MEGF6: variants seen among roughly 807,000 people sequenced by gnomAD.
The protein encoded by MEGF6 is multiple epidermal growth factor-like domains protein 6.
In MEGF6, 184 loss-of-function variants were observed where a neutral mutation model predicts 207.1. That is an observed-to-expected ratio of 0.89 (90% CI 0.79 to 1.00). MEGF6 has a LOEUF of 1.00. MEGF6 is among the 50% of genes least tolerant of loss of function. MEGF6 has a pLI of 0.00. For missense variants in MEGF6, 2,282 were observed against 2,202.9 expected, an observed-to-expected ratio of 1.04 and a Z score of -0.72; for synonymous variants, 1,038 against 910.0, an observed-to-expected ratio of 1.14 and a Z score of -2.53.
In MEGF6 at chr1:3,497,266, G is replaced by A. The variant is rs768506381; in HGVS notation, c.3448C>T (p.Pro1150Ser). ...CAGCCGGAGCCAGTGAAGCCAGGGG[G>A]ACAGCGGCAGGCCCCAGTGACGTGG... is the stretch of plus-strand genomic sequence containing the variant. Reference protein sequence around the residue: ...CHHVTGACRCPPGFTGSGCEQ... With the variant: ...CHHVTGACRCSPGFTGSGCEQ... The change falls in exon 27 of 37, where the codon CCC (proline) becomes TCC (serine). Residue 1150 changes from proline (P) to serine (S), a missense_variant. Pro to Ser is a moderately conservative substitution (Grantham distance 74). Transcript: ENST00000356575. 7.1e-6 allele frequency: 11 copies of A among 1,546,432 alleles called. No individual in the cohort carries two copies. The highest frequency in any genetic ancestry group is 4.1e-5 in the Admixed American group (2 of 48,406).
At position 3,490,610 on chromosome 1, in the gene MEGF6, G is replaced by A. The variant is rs779788602; in HGVS notation, c.4565-21C>T. Reference sequence around the variant, plus strand: ...GCCCGCTGGGGAAAAGGAGAAAAGAGGGCCAGTCCAGGGTGGGGCGGGTGC... The same window carrying A: ...GCCCGCTGGGGAAAAGGAGAAAAGAAGGCCAGTCCAGGGTGGGGCGGGTGC... On this transcript the variant is annotated intron_variant, in intron 36 of 36. Transcript: ENST00000356575. 1.2e-5 allele frequency: 19 copies of A among 1,611,688 alleles called. No individual in the cohort carries two copies. In the African/African-American group the frequency reaches 1.9e-4, roughly 16 times the overall value.
intron 1 of MEGF6, among the ~76,000 whole-genome samples, chr1:3,606,392 C>T (rs1409707635): frequency 6.6e-6 from 1 of 152,188 alleles, no homozygotes; most frequent in Non-Finnish European, 1.5e-5. Flanking sequence ...CCAGGCCTAG[C>T]GGTTTGAAGC....
chr1:3,496,682 C>T lies in MEGF6; in HGVS notation c.3715G>A (p.Gly1239Arg). ...AATGACRCPT[G>R]FLGTDCNLTC... ...AGGTTGCAGTCCGTCCCGAGGAACC[C>T]AGTGGGGCAGCGGCAGGCCCCCGTG... is the stretch of plus-strand genomic sequence containing the variant. Residue 1239 changes from glycine (G) to arginine (R), a missense_variant, in exon 29 of 37, where the codon GGG (glycine) becomes AGG (arginine). Physicochemically the swap from Gly to Arg is moderately radical, Grantham distance 125 (BLOSUM62 -2). Transcript: ENST00000356575. 8 of 1,568,856 alleles carry T rather than the reference C, an allele frequency of 5.1e-6. No homozygotes were observed. The highest frequency in any genetic ancestry group is 6.9e-6 in the Non-Finnish European group (8 of 1,157,290).
rs978166658 is a variant in MEGF6 at position 3,583,010 on chromosome 1, G to C, written c.377-3081C>G. On this transcript the variant is annotated intron_variant, in intron 3 of 36. Coordinates refer to ENST00000356575, the MANE Select transcript of MEGF6 (RefSeq NM_001409.4). ...GCACCAGCAAGCTTGTTGATGAAGG[G>C]GTGAATGAATGAACAAACCACCGCA... 2.0e-5 allele frequency among the ~76,000 whole-genome samples: 3 copies of C among 152,176 alleles called. No homozygotes were observed. The South Asian group carries it at 6.2e-4, about 31-fold the overall frequency.
In MEGF6 at chr1:3,560,803, C is replaced by G. The variant is rs1444806909; in HGVS notation, c.481+19022G>C. 1 of 468,994 alleles carries G rather than the reference C, an allele frequency of 2.1e-6. No individual in the cohort carries two copies. The highest frequency in any genetic ancestry group is 4.4e-6 in the Non-Finnish European group (1 of 226,258). The allele number at this position is 468,994 out of a possible 1,614,324, so 29.1% of individuals were successfully genotyped here. A position where few individuals can be genotyped will look rare whatever the true frequency, so the allele number is the denominator to read the frequency against. ...CCCGGCAGTCCCCTCTGGCAGCCAC[C>G]GGAGCAGCCAGGAACAGCCTCAGGC... On this transcript the variant is annotated intron_variant, in intron 4 of 36. Coordinates refer to ENST00000356575, the MANE Select transcript of MEGF6 (RefSeq NM_001409.4). The surrounding 1 kb of genome is among the most constrained non-coding windows in gnomAD (Gnocchi z 4.0).
At chr1:3,588,636 G>A (rs946133742) in intron 3 of MEGF6, among the ~76,000 whole-genome samples, 3 of 151,982 alleles carry the variant, frequency 2.0e-5, no homozygotes, top group Admixed American at 6.5e-5. Flanking sequence ...GGTGCCTGGG[G>A]GTCTGCCCCA....
Position 3,611,217 on chromosome 1 carries a change from A to G in MEGF6, c.52T>C (p.Leu18=), listed in dbSNP as rs777558650. 3 of 1,549,212 alleles carry G rather than the reference A, an allele frequency of 1.9e-6. No individual in the cohort carries two copies. The highest frequency in any genetic ancestry group is 3.7e-5 in the Admixed American group (2 of 53,660). Residue 18 remains leucine (L), a synonymous_variant, in exon 1 of 37, where the codon TTG becomes CTG. Coordinates refer to ENST00000356575, the MANE Select transcript of MEGF6 (RefSeq NM_001409.4). The part of the protein sequence containing the change: ...RAAGRAVVLA[L]VLLLLPAVPV... ...ACGGCGGGGAGCAGCAGCAGCACCA[A>G]CGCCAGGACCACCGCGCGCCCCGCT...
At chr1:3,527,942 C>T (rs1432880199) in intron 4 of MEGF6, among the ~76,000 whole-genome samples, 1 of 152,262 alleles carries the variant, frequency 6.6e-6, no homozygotes, top group Non-Finnish European at 1.5e-5. Flanking sequence ...AATGCACAGG[C>T]CCAGGTCGGC....
rs114783492 is a variant in MEGF6 at position 3,576,190 on chromosome 1, C to T, written c.481+3635G>A. 5.3e-3 allele frequency among the ~76,000 whole-genome samples: 808 copies of T among 152,372 alleles called. 8 individuals carry two copies. Among genetic ancestry groups the T allele is most frequent in the African/African-American group, 0.018 (756 of 41,584 alleles). On this transcript the variant is annotated intron_variant, in intron 4 of 36. Coordinates refer to ENST00000356575, the MANE Select transcript of MEGF6 (RefSeq NM_001409.4). Reference sequence around the variant, plus strand: ...CCTGCCCAGCGCCGGGCCCTCCACCCTCCGGGCAGACAGGCCCGCTTTGTG... The same window carrying T: ...CCTGCCCAGCGCCGGGCCCTCCACCTTCCGGGCAGACAGGCCCGCTTTGTG...
intron 23 of MEGF6, 102 bp downstream of exon 23, chr1:3,499,486 G>A (rs1640757712): frequency 6.7e-7 from 1 of 1,495,878 alleles, no homozygotes; most frequent in African/African-American, 1.4e-5. Context: ...GGGGTTGCCT[G>A]GTAGCTTCAG....
chr1:3,612,698 T>TG (rs1305477818), upstream of MEGF6, among the ~76,000 whole-genome samples: 1 of 151,968 alleles, frequency 6.6e-6, no homozygotes, highest in Non-Finnish European at 1.5e-5. Context: ...TCGTGTGGTT[T>TG]GGGGGAGGAA....
At chr1:3,534,011 T>C (rs1642252881) in intron 4 of MEGF6, among the ~76,000 whole-genome samples, 1 of 152,054 alleles carries the variant, frequency 6.6e-6, no homozygotes, top group East Asian at 1.9e-4. Flanking sequence ...TTGCCCACCC[T>C]GGGAAAGGGC....
rs1167156268 is a variant in MEGF6, at chr1:3,579,857, G to A, written c.449C>T (p.Pro150Leu). 5 of 1,541,354 alleles carry A rather than the reference G, an allele frequency of 3.2e-6. No homozygotes were observed. Among genetic ancestry groups the A allele is most frequent in the Non-Finnish European group, 4.3e-6 (5 of 1,150,132 alleles). Residue 150 changes from proline to leucine, a missense_variant, in exon 4 of 37, where the codon CCC becomes CTC. Pro to Leu is a moderately conservative substitution (Grantham distance 98). Transcript: ENST00000356575. ...VPGSAQPCHC[P>L]PGFQGPRCQY... is the part of the protein sequence containing the mutation. The stretch of plus-strand genomic sequence containing the variant: ...ACAGCGGGGTCCCTGGAAGCCGGGG[G>A]GACAGTGACACGGCTGGGCTGAGCC...
intron 4 of MEGF6, among the ~76,000 whole-genome samples, chr1:3,578,844 C>G (rs936861314): frequency 6.6e-6 from 1 of 151,638 alleles, no homozygotes; most frequent in Non-Finnish European, 1.5e-5. Context: ...TGTCACCCAG[C>G]TCAGAACGCT....
chr1:3,494,026 C>A lies in MEGF6; in HGVS notation c.4228G>T (p.Ala1410Ser). The change falls in exon 33 of 37, where the codon GCC becomes TCC. Residue 1410 changes from alanine to serine, a missense_variant. By Grantham distance (99) the Ala-to-Ser change is moderately conservative. Coordinates refer to ENST00000356575, the MANE Select transcript of MEGF6 (RefSeq NM_001409.4). Reference protein sequence around the residue: ...DPISGRCLCPAGFHGHFCERG... With the variant: ...DPISGRCLCPSGFHGHFCERG... Reference sequence around the variant, plus strand: ...TCACAGAAGTGGCCGTGGAAGCCGGCAGGGCAGAGGCATCGGCCACTGATG... The same window carrying A: ...TCACAGAAGTGGCCGTGGAAGCCGGAAGGGCAGAGGCATCGGCCACTGATG... 4 of 1,608,780 alleles carry A rather than the reference C, an allele frequency of 2.5e-6. No individual in the cohort carries two copies. The highest frequency in any genetic ancestry group is 3.4e-6 in the Non-Finnish European group (4 of 1,178,360).
rs903649745 is a variant in MEGF6 at position 3,556,480 on chromosome 1, A to G, written c.481+23345T>C. On this transcript the variant is annotated intron_variant, in intron 4 of 36. Coordinates refer to ENST00000356575, the MANE Select transcript of MEGF6 (RefSeq NM_001409.4). The surrounding 1 kb of genome is among the most constrained non-coding windows in gnomAD (Gnocchi z 4.4). ...GTAGGAGAAACCTCGGCAAAGCAAG[A>G]GACGCCCTGGGCCTCCTCTCGGCCG... 1.3e-5 allele frequency among the ~76,000 whole-genome samples: 2 copies of G among 152,170 alleles called. No homozygotes were observed. Among genetic ancestry groups the G allele is most frequent in the African/African-American group, 4.8e-5 (2 of 41,426 alleles).
chr1:3,505,398 C>CCCCCCG (rs762755724), intron 16 of MEGF6, 24 bp downstream of exon 16: 19 of 1,576,380 alleles, frequency 1.2e-5, no homozygotes, highest in Admixed American at 7.5e-5. Flanking sequence ...GCCCCCCGCC[C>CCCCCCG]CCAGACCCCA....
chr1:3,590,254 C>T (rs906594832), intron 3 of MEGF6, among the ~76,000 whole-genome samples: 7 of 152,230 alleles, frequency 4.6e-5, no homozygotes, highest in East Asian at 1.9e-4. Context: ...CCGGGGAGCC[C>T]GGCTTGGAGG....
In MEGF6 at chr1:3,488,685, C is replaced by T. The variant is rs1640235897; in HGVS notation, c.*1843G>A. 6.6e-6 allele frequency among the ~76,000 whole-genome samples: 1 copy of T among 152,352 alleles called. No individual in the cohort carries two copies. The highest frequency in any genetic ancestry group is 2.1e-4 in the South Asian group (1 of 4,830). Reference sequence around the variant, plus strand: ...TTCAAACTCTGAGGATGGAACATCACAGTTTTCTGGCTCTCCGTGTTTCTC... The same window carrying T: ...TTCAAACTCTGAGGATGGAACATCATAGTTTTCTGGCTCTCCGTGTTTCTC... On this transcript the variant is annotated 3_prime_UTR_variant, in exon 37 of 37. Transcript: ENST00000356575.
Sources: allele counts gnomAD v4.1 joint callset (sites outside exome capture counted in the v4.1 genomes callset), GRCh38; gene constraint gnomAD v4.1.1; non-coding constraint Gnocchi (gnomAD v3.1); transcripts MANE v1.5; gene names NCBI Gene and HGNC (gene_info 2026-07-23, HGNC 2026-07-21).